ACHE: variants seen among roughly 807,000 people sequenced by gnomAD.
The protein encoded by ACHE is acetylcholinesterase.
A neutral mutation model predicts 53.9 loss-of-function variants in ACHE; 19 were observed. That is an observed-to-expected ratio of 0.35 (90% CI 0.25 to 0.52). The LOEUF (loss-of-function observed/expected upper bound fraction) is 0.52, where lower values mean the gene tolerates loss of function less well. ACHE is among the 20% of genes least tolerant of loss of function. ACHE has a pLI of 0.95. For missense variants in ACHE, 605 were observed against 849.4 expected, an observed-to-expected ratio of 0.71 and a Z score of 3.58; for synonymous variants, 392 against 378.1, an observed-to-expected ratio of 1.04 and a Z score of -0.43.
At chr7:100,896,694 G>A (rs1312627316), upstream of ACHE, 2 of 308,038 alleles carry the variant, frequency 6.5e-6, no homozygotes, top group Non-Finnish European at 6.9e-6. Context: ...TTCGTCACCA[G>A]GGTCCGGTCG....
At chr7:100,894,921 G>GC (rs1033509840) in intron 1 of ACHE, among the ~76,000 whole-genome samples, 18 of 152,042 alleles carry the variant, frequency 1.2e-4, no homozygotes, top group Non-Finnish European at 1.9e-4. Flanking sequence ...GGACTCGAGA[G>GC]CCCCCCATCC....
intron 1 of ACHE, chr7:100,894,466 C>A: frequency 4.7e-6 from 2 of 426,874 alleles, no homozygotes; most frequent in East Asian, 7.1e-5. Flanking sequence ...AGGCAGACAC[C>A]CATATCCAGA....
rs113533105 is a variant in ACHE at position 100,892,510 on chromosome 7, G to A, written c.1377C>T (p.Tyr459=). The part of the protein sequence containing the change: ...LAAQGARVYA[Y]VFEHRASTLS... ...GCGTGGAAGCACGGTGTTCAAAGACGTAGGCGTAGACCCGGGCACCCTGGG... is the reference window on the plus strand; with the variant it reads ...GCGTGGAAGCACGGTGTTCAAAGACATAGGCGTAGACCCGGGCACCCTGGG... The change falls in exon 3 of 5, where the codon TAC becomes TAT. Residue 459 remains tyrosine, a synonymous_variant. Coordinates refer to ENST00000241069, the MANE Select transcript of ACHE (RefSeq NM_000665.5). This position sits in a 1 kb window ranked among gnomAD's most constrained non-coding sequence, Gnocchi z 5.2. The A allele has an allele frequency of 2.6e-5, 42 of 1,602,008 alleles. 1 individual carries two copies. The highest frequency in any genetic ancestry group is 3.3e-4 in the Middle Eastern group (2 of 6,034).
upstream of ACHE, chr7:100,896,983 T>C (rs969437718): frequency 4.2e-4 from 63 of 149,234 alleles, no homozygotes; most frequent in African/African-American, 1.3e-3. Context: ...CAGGCCAGCG[T>C]CGGGCGTGCG....
chr7:100,895,163 C>T (rs1790971237), intron 1 of ACHE, among the ~76,000 whole-genome samples: 1 of 152,206 alleles, frequency 6.6e-6, no homozygotes, highest in South Asian at 2.1e-4. Context: ...TGCTACGGTT[C>T]CGGCATCTCC....
intron 4 of ACHE, chr7:100,890,591 A>C: frequency 1.5e-6 from 2 of 1,362,728 alleles, no homozygotes; most frequent in Non-Finnish European, 9.5e-7. Flanking sequence ...GAAGACGGGA[A>C]CAGAGGGGAC....
At position 100,894,135 on chromosome 7, in the gene ACHE, C is replaced by T; in HGVS notation, c.98G>A (p.Gly33Asp). Residue 33 changes from glycine (G) to aspartate (D), a missense_variant, in exon 2 of 5, where the codon GGC becomes GAC. Around this residue, in one of 4 missense-constraint regions of ACHE, gnomAD observed 89 missense variants for 78.9 expected, o/e 1.13. Transcript: ENST00000241069. ...CACCAGCAGCTCTGCATCCTCCCGG[C>T]CCTCAGCCCCCACTCCTCCACCCAG... ...WLLGGGVGAE[G>D]REDAELLVTV... The T allele has an allele frequency of 1.3e-6, 2 of 1,489,670 alleles. No individual in the cohort carries two copies. Among genetic ancestry groups the T allele is most frequent in the Non-Finnish European group, 1.8e-6 (2 of 1,124,998 alleles). 92.3% of individuals were successfully genotyped at this position (1,489,670 alleles called of 1,614,324 possible). A position where few individuals can be genotyped will look rare whatever the true frequency, so the allele number is the denominator to read the frequency against.
chr7:100,890,565 G>A, intron 4 of ACHE: 15 of 1,378,628 alleles, frequency 1.1e-5, no homozygotes, highest in South Asian at 1.6e-5. Context: ...GAGAGAGGAG[G>A]AGAAAAGAAT....
chr7:100,891,561 C>A (rs1350195190), intron 3 of ACHE, among the ~76,000 whole-genome samples: 1 of 152,160 alleles, frequency 6.6e-6, no homozygotes, highest in Non-Finnish European at 1.5e-5. Flanking sequence ...TTGTTTCTCT[C>A]ACTAAAAAAA....
In ACHE at chr7:100,893,417, C is replaced by T. The variant is rs1404244780; in HGVS notation, c.816G>A (p.Met272Ile). 1.2e-6 allele frequency: 2 copies of T among 1,611,152 alleles called. No homozygotes were observed. Among genetic ancestry groups the T allele is most frequent in the African/African-American group, 2.7e-5 (2 of 75,062 alleles). ...APNGPWATVG[M>I]GEARRRATQL... ...GCGTGGCCCTGCGACGGGCCTCTCC[C>T]ATGCCCACCGTGGCCCAGGGTCCAT... Residue 272 changes from methionine (M) to isoleucine (I), a missense_variant, in exon 2 of 5, where the codon ATG becomes ATA. Met to Ile is a conservative substitution (Grantham distance 10). This residue lies in a region of ACHE where 397 missense variants were observed against 632.5 expected (regional missense o/e 0.63). Coordinates refer to ENST00000241069, the MANE Select transcript of ACHE (RefSeq NM_000665.5).
intron 4 of ACHE, 133 bp downstream of exon 4, chr7:100,891,036 C>T: frequency 2.1e-6 from 3 of 1,458,320 alleles, no homozygotes; most frequent in South Asian, 2.8e-5. Context: ...GGCCGGGCCT[C>T]GGAGCAGCCT....
At position 100,894,266 on chromosome 7, in the gene ACHE, G is replaced by A. The variant is rs1470530118; in HGVS notation, c.-20-14C>T. 13 of 1,414,814 alleles carry A rather than the reference G, an allele frequency of 9.2e-6. No homozygotes were observed. The highest frequency in any genetic ancestry group is 1.2e-5 in the Non-Finnish European group (13 of 1,086,600). The allele number at this position is 1,414,814 out of a possible 1,614,324, so 87.6% of individuals were successfully genotyped here. On this transcript the variant is annotated splice_polypyrimidine_tract_variant and intron_variant, in intron 1 of 4. Coordinates refer to ENST00000241069, the MANE Select transcript of ACHE (RefSeq NM_000665.5). ...GGCAGGCGGCGTCTGCTGGGAGAAAGAAAGGGAAAGGGTGAAGGGTCGGTC... is the reference window on the plus strand; with the variant it reads ...GGCAGGCGGCGTCTGCTGGGAGAAAAAAAGGGAAAGGGTGAAGGGTCGGTC...
intron 4 of ACHE, chr7:100,890,759 C>T: frequency 7.5e-7 from 1 of 1,339,338 alleles, no homozygotes; most frequent in Non-Finnish European, 9.6e-7. Context: ...TTTTCCATTT[C>T]CATTCAAACA....
intron 4 of ACHE, chr7:100,890,702 A>T (rs918834975): frequency 1.5e-6 from 2 of 1,325,862 alleles, no homozygotes; most frequent in Non-Finnish European, 1.9e-6. Context: ...CTTCCCCCCA[A>T]TGTCAGGCTC....
intron 1 of ACHE, among the ~76,000 whole-genome samples, chr7:100,895,123 G>C (rs984766298): frequency 6.6e-6 from 1 of 152,122 alleles, no homozygotes; most frequent in Non-Finnish European, 1.5e-5. Context: ...CCGGCTGCAG[G>C]GGCGGGGGCG....
chr7:100,890,929 C>T, intron 4 of ACHE: 3 of 1,472,722 alleles, frequency 2.0e-6, no homozygotes, highest in Non-Finnish European at 2.7e-6. Flanking sequence ...GAGGAGGGGC[C>T]CCTGTGGCCG....
At chr7:100,894,311 G>T in intron 1 of ACHE, 59 bp from the exon 2 acceptor site, 1 of 1,259,730 alleles carries the variant, frequency 7.9e-7, no homozygotes, top group Non-Finnish European at 1.0e-6. Flanking sequence ...GGAGGGAGGA[G>T]ATTAGGGCAC....
chr7:100,894,249 G>A lies in ACHE; in HGVS notation c.-17C>T. 1.4e-6 allele frequency: 2 copies of A among 1,426,304 alleles called. No homozygotes were observed. Among genetic ancestry groups the A allele is most frequent in the Non-Finnish European group, 1.8e-6 (2 of 1,094,272 alleles). 88.4% of individuals were successfully genotyped at this position (1,426,304 alleles called of 1,614,324 possible). A position where few individuals can be genotyped will look rare whatever the true frequency, so the allele number is the denominator to read the frequency against. On this transcript the variant is annotated 5_prime_UTR_variant, in exon 2 of 5. Coordinates refer to ENST00000241069, the MANE Select transcript of ACHE (RefSeq NM_000665.5). ...GGGCCTCATGGCTGCAGGGCAGGCG[G>A]CGTCTGCTGGGAGAAAGAAAGGGAA...
At chr7:100,894,323 G>A (rs1414774475) in intron 1 of ACHE, 71 bp from the exon 2 acceptor site, 1 of 1,143,030 alleles carries the variant, frequency 8.7e-7, no homozygotes, top group Non-Finnish European at 1.2e-6. Context: ...TTAGGGCACT[G>A]TCGGCCCAAG....
Sources: allele counts gnomAD v4.1 joint callset (sites outside exome capture counted in the v4.1 genomes callset), GRCh38; gene constraint gnomAD v4.1.1; regional missense constraint gnomAD v4.1.1; non-coding constraint Gnocchi (gnomAD v3.1); transcripts MANE v1.5; gene names NCBI Gene and HGNC (gene_info 2026-07-23, HGNC 2026-07-21).